The following POLA2 variants were observed in gnomAD, a reference collection of about 807,000 sequenced individuals.
POLA2 encodes DNA polymerase alpha 2, accessory subunit, also known as DNA polymerase alpha subunit B.
POLA2 carries 47 observed loss-of-function variants against 82.8 expected under a neutral mutation model. That is an observed-to-expected ratio of 0.57 (90% confidence interval 0.45 to 0.72). POLA2 has a LOEUF of 0.72. Ranked by LOEUF, POLA2 falls within the 30% of genes least tolerant of loss-of-function variation. The pLI is 0.00. For missense variants in POLA2, 634 were observed against 728.1 expected, an observed-to-expected ratio of 0.87 and a Z score of 1.49; for synonymous variants, 287 against 286.8, an observed-to-expected ratio of 1.00 and a Z score of -0.01.
chr11:65,264,893 C>T (rs1485685129), intron 1 of POLA2, among the ~76,000 whole-genome samples: 2 of 152,304 alleles, frequency 1.3e-5, no homozygotes, highest in African/African-American at 2.4e-5. Flanking sequence ...ACTCTGTTGA[C>T]CCTACTTCCC....
intron 3 of POLA2, among the ~76,000 whole-genome samples, chr11:65,268,034 C>T (rs1022138893): frequency 2.5e-4 from 38 of 151,964 alleles, no homozygotes; most frequent in African/African-American, 8.9e-4. Flanking sequence ...CTCAGGTGAT[C>T]CGCCTGCCTA....
chr11:65,291,035 A>C lies in POLA2; in HGVS notation c.1244+1163A>C, dbSNP rs17146805. On this transcript the variant is annotated intron_variant, in intron 13 of 17. Coordinates refer to ENST00000265465, the MANE Select transcript of POLA2 (RefSeq NM_002689.4). Reference sequence around the variant, plus strand: ...GAGAGAGCTGTGCAGTTCTCATTTGAGAGGAAAGTCACTGTTCCAGGAAGA... The same window carrying C: ...GAGAGAGCTGTGCAGTTCTCATTTGCGAGGAAAGTCACTGTTCCAGGAAGA... 7.0e-3 allele frequency among the ~76,000 whole-genome samples: 1,067 copies of C among 152,320 alleles called. 11 individuals carry two copies. The highest frequency in any genetic ancestry group is 0.025 in the African/African-American group (1,023 of 41,554).
In POLA2 at chr11:65,295,554, C is replaced by T; in HGVS notation, c.1475C>T (p.Ser492Leu). Reference protein sequence around the residue: ...AEEISSSSGTSDRFSRILKHI... With the variant: ...AEEISSSSGTLDRFSRILKHI... Reference sequence around the variant, plus strand: ...TTCTTTCCCAGTTCTTCCGGAACTTCAGACAGATTCAGCCGAATACTCAAG... The same window carrying T: ...TTCTTTCCCAGTTCTTCCGGAACTTTAGACAGATTCAGCCGAATACTCAAG... The change falls in exon 16 of 18, where the codon TCA (serine) becomes TTA (leucine). Residue 492 changes from serine (S) to leucine (L), a missense_variant. By Grantham distance (145) the Ser-to-Leu change is moderately radical. Coordinates refer to ENST00000265465, the MANE Select transcript of POLA2 (RefSeq NM_002689.4). 1.9e-6 allele frequency: 3 copies of T among 1,613,950 alleles called. No individual in the cohort carries two copies. The highest frequency in any genetic ancestry group is 2.5e-6 in the Non-Finnish European group (3 of 1,179,910).
chr11:65,303,858 A>G (rs1342853389), intron 8 of POLA2, among the ~76,000 whole-genome samples: 1 of 152,194 alleles, frequency 6.6e-6, no homozygotes, highest in African/African-American at 2.4e-5. Flanking sequence ...ACACCTGCTA[A>G]GGGCCCTGCA....
intron 9 of POLA2, 120 bp from the exon 10 acceptor site, chr11:65,282,359 G>A (rs540008307): frequency 1.2e-5 from 9 of 779,164 alleles, no homozygotes; most frequent in Admixed American, 5.8e-5. Context: ...CTGCCCTCTC[G>A]CTCCTCCCCA....
Position 65,278,703 on chromosome 11 carries a change from A to C in POLA2, c.462-27A>C, listed in dbSNP as rs772955772. ...TCTCCCTTTAGATATGAACACAGTA[A>C]TATTAACCTGTTTTGCTTCCAATTA... On this transcript the variant is annotated intron_variant, in intron 5 of 17. Transcript: ENST00000265465. The C allele has an allele frequency of 2.8e-5, 45 of 1,583,550 alleles. 1 individual carries two copies. The South Asian group carries it at 5.0e-4, about 18-fold the overall frequency.
In POLA2 at chr11:65,273,040, C is replaced by T. The variant is rs933323733; in HGVS notation, c.355-2852C>T. Among the ~76,000 whole-genome samples, 11 of 146,328 alleles carry T rather than the reference C, an allele frequency of 7.5e-5. No homozygotes were observed. The East Asian group carries it at 2.3e-3, about 30-fold the overall frequency. ...AAAAAAAAAGAAAAGATGAAACTAGCCAGGCGCAGTGGCTTATGCCTGTAA... is the reference window on the plus strand; with the variant it reads ...AAAAAAAAAGAAAAGATGAAACTAGTCAGGCGCAGTGGCTTATGCCTGTAA... On this transcript the variant is annotated intron_variant, in intron 4 of 17. Transcript: ENST00000265465.
At chr11:65,287,659 C>T (rs1213148508) in intron 10 of POLA2, 57 bp from the exon 11 acceptor site, 10 of 1,493,898 alleles carry the variant, frequency 6.7e-6, no homozygotes, top group African/African-American at 4.2e-5. Flanking sequence ...GTCCTTTCTC[C>T]TCCCACCATT....
chr11:65,269,897 C>T (rs908332967), intron 4 of POLA2, among the ~76,000 whole-genome samples: 3 of 152,158 alleles, frequency 2.0e-5, no homozygotes, highest in Admixed American at 1.3e-4. Flanking sequence ...TGCAATGGCA[C>T]GATCTCGGGT....
downstream of POLA2, among the ~76,000 whole-genome samples, chr11:65,299,527 G>T (rs1288442991): frequency 2.0e-5 from 3 of 152,212 alleles, no homozygotes; most frequent in African/African-American, 7.2e-5. Context: ...GGGCACCCAA[G>T]GTTGGGGGCC....
chr11:65,276,543 C>G (rs1949581754), intron 5 of POLA2, among the ~76,000 whole-genome samples: 1 of 152,096 alleles, frequency 6.6e-6, no homozygotes, highest in Admixed American at 6.6e-5. Flanking sequence ...CCTCTGCCAC[C>G]ATTGCACATA....
intron 4 of POLA2, among the ~76,000 whole-genome samples, chr11:65,271,962 C>T (rs1266398110): frequency 1.3e-5 from 2 of 151,966 alleles, no homozygotes; most frequent in African/African-American, 4.8e-5. Flanking sequence ...GTACTTATCA[C>T]ATGGAAATTG....
intron 5 of POLA2, among the ~76,000 whole-genome samples, chr11:65,277,578 T>C (rs188267529): frequency 2.4e-4 from 36 of 152,324 alleles, no homozygotes; most frequent in African/African-American, 8.7e-4. Context: ...CTTAAGAGCA[T>C]CTTTGCAACC....
intron 7 of POLA2, chr11:65,279,962 C>T (rs1253036764): frequency 2.2e-5 from 5 of 224,424 alleles, no homozygotes; most frequent in African/African-American, 6.9e-5. Context: ...ACAGCAGCGA[C>T]GGTGGGGTTT....
chr11:65,273,082 G>T (rs1447156455), intron 4 of POLA2, among the ~76,000 whole-genome samples: 1 of 151,480 alleles, frequency 6.6e-6, no homozygotes, highest in Non-Finnish European at 1.5e-5. Context: ...CACTTTGGGA[G>T]GCCAAGGTGG....
At chr11:65,275,623 C>T (rs1469199032) in intron 4 of POLA2, among the ~76,000 whole-genome samples, 2 of 152,200 alleles carry the variant, frequency 1.3e-5, no homozygotes, top group Non-Finnish European at 2.9e-5. Flanking sequence ...TGACAGGACA[C>T]ATTACCAGCC....
chr11:65,275,781 T>C, intron 4 of POLA2, 111 bp from the exon 5 acceptor site: 1 of 511,936 alleles, frequency 2.0e-6, no homozygotes. Context: ...CACCCAGTCC[T>C]ATTTTGTGCC....
chr11:65,267,764 G>T (rs994387977), intron 3 of POLA2, among the ~76,000 whole-genome samples, 196 bp downstream of exon 3: 2 of 151,968 alleles, frequency 1.3e-5, no homozygotes, highest in African/African-American at 4.8e-5. Flanking sequence ...GGGCAACATG[G>T]TGAAACCCTG....
In POLA2 at chr11:65,287,760, A is replaced by G. The variant is rs779805715; in HGVS notation, c.1051A>G (p.Thr351Ala). Residue 351 changes from threonine to alanine, a missense_variant, in exon 11 of 18, where the codon ACA becomes GCA. Coordinates refer to ENST00000265465, the MANE Select transcript of POLA2 (RefSeq NM_002689.4). Reference protein sequence around the residue: ...MVLVACGPYTTSDSITYDPLL... With the variant: ...MVLVACGPYTASDSITYDPLL... The stretch of plus-strand genomic sequence containing the variant: ...CCTGGTTGCCTGTGGACCATACACC[A>G]CATCTGACAGCATCACGTATGACCC... The G allele has an allele frequency of 7.4e-6, 12 of 1,613,600 alleles. No homozygotes were observed. The highest frequency in any genetic ancestry group is 9.3e-6 in the Non-Finnish European group (11 of 1,179,830).
Sources: allele counts gnomAD v4.1 joint callset (sites outside exome capture counted in the v4.1 genomes callset), GRCh38; gene constraint gnomAD v4.1.1; transcripts MANE v1.5; gene names NCBI Gene and HGNC (gene_info 2026-07-23, HGNC 2026-07-21).